STARD13: variants seen among roughly 807,000 people sequenced by gnomAD.
STARD13 encodes the protein StAR related lipid transfer domain containing 13, also known as stAR-related lipid transfer protein 13.
In STARD13, 62 loss-of-function variants were observed where a neutral mutation model predicts 106.4. The observed-to-expected ratio is 0.58, with a 90% CI of 0.48 to 0.72. STARD13 has a LOEUF of 0.72. Among genes scored for constraint, STARD13 ranks in the 30% least tolerant of loss-of-function variants. STARD13 has a pLI of 0.00. For missense variants in STARD13, 1,387 were observed against 1,424.0 expected (o/e 0.97, Z 0.42); for synonymous variants, 565 against 553.0 (o/e 1.02, Z -0.31).
chr13:33,292,834 C>G (rs1203462197), intron 1 of STARD13, among the ~76,000 whole-genome samples: 1 of 152,098 alleles, frequency 6.6e-6, no homozygotes. Flanking sequence ...TGTCTCAGAC[C>G]ATGTCAGCAC....
intron 4 of STARD13, among the ~76,000 whole-genome samples, chr13:33,139,936 GA>G (rs779562605): frequency 6.6e-6 from 1 of 152,110 alleles, no homozygotes; most frequent in East Asian, 1.9e-4. Context: ...TTATTTATTT[GA>G]AAATTCAGGC....
At chr13:33,178,350 A>T (rs1306148808) in intron 1 of STARD13, among the ~76,000 whole-genome samples, 1 of 152,212 alleles carries the variant, frequency 6.6e-6, no homozygotes, top group Admixed American at 6.5e-5. Flanking sequence ...CATGGGTTAA[A>T]AATAATAAAT....
In STARD13 at chr13:33,285,519, C is replaced by G; in HGVS notation, c.120G>C (p.Arg40Ser). 6.2e-7 allele frequency: 1 copy of G among 1,614,040 alleles called. No homozygotes were observed. The highest frequency in any genetic ancestry group is 8.5e-7 in the Non-Finnish European group (1 of 1,179,924). ...GATGGCGTGCTAGAATCCGGCTCATCCTGTAAGGAGAGCGTCTTGTAGTCT... is the reference window on the plus strand; with the variant it reads ...GATGGCGTGCTAGAATCCGGCTCATGCTGTAAGGAGAGCGTCTTGTAGTCT... ...FDQTTRRSPY[R>S]MSRILARHQL... is the part of the protein sequence containing the mutation. The change falls in exon 1 of 14, where the codon AGG (arginine) becomes AGC (serine). Residue 40 changes from arginine to serine, a missense_variant. Coordinates refer to ENST00000336934, the MANE Select transcript of STARD13 (RefSeq NM_178006.4).
chr13:33,516,344 G>C, the STARD13 span, among the ~76,000 whole-genome samples: 30 of 150,566 alleles, frequency 2.0e-4, no homozygotes, highest in Admixed American at 5.3e-4. Context: ...ATCAGTTTCA[G>C]CTTTTCTTAC....
At chr13:33,528,136 C>A in the STARD13 span, among the ~76,000 whole-genome samples, 1 of 146,728 alleles carries the variant, frequency 6.8e-6, no homozygotes, top group African/African-American at 2.5e-5. Context: ...GAAGTTTAAA[C>A]ACATATCAAA....
rs1449461695 is a variant in STARD13 at position 33,348,799 on chromosome 13, G to A, written c.*350C>T. Reference sequence around the variant, plus strand: ...GCTGGGTTACCACAATTTATTTCTGGGTCCAAACCAAAAAAGTCTGTTTAT... The same window carrying A: ...GCTGGGTTACCACAATTTATTTCTGAGTCCAAACCAAAAAAGTCTGTTTAT... On this transcript the variant is annotated 3_prime_UTR_variant, in exon 2 of 2. Transcript: ENST00000439831. 3 of 256,878 alleles carry A rather than the reference G, an allele frequency of 1.2e-5. No homozygotes were observed. The South Asian group carries it at 1.9e-4, about 16-fold the overall frequency. 15.9% of individuals were successfully genotyped at this position (256,878 alleles called of 1,614,324 possible). A position where few individuals can be genotyped will look rare whatever the true frequency, so the allele number is the denominator to read the frequency against.
At chr13:33,161,941 C>A (rs759515378) in intron 3 of STARD13, among the ~76,000 whole-genome samples, 28 of 152,078 alleles carry the variant, frequency 1.8e-4, no homozygotes, top group Non-Finnish European at 3.7e-4. Flanking sequence ...TTATACACTA[C>A]CACAAGAACA....
At chr13:33,502,257 T>C in the STARD13 span, among the ~76,000 whole-genome samples, 1 of 152,264 alleles carries the variant, frequency 6.6e-6, no homozygotes, top group African/African-American at 2.4e-5. Flanking sequence ...TTTGCTGAAG[T>C]TGCTTATCAG....
At chr13:33,531,902 CA>C in the STARD13 span, among the ~76,000 whole-genome samples, 1 of 152,124 alleles carries the variant, frequency 6.6e-6, no homozygotes, top group East Asian at 1.9e-4. Context: ...TCATATTATA[CA>C]CTTAATAGTC....
the STARD13 span, among the ~76,000 whole-genome samples, chr13:33,471,177 T>C: frequency 2.6e-5 from 4 of 152,212 alleles, no homozygotes; most frequent in Non-Finnish European, 5.9e-5. Flanking sequence ...AAGGAACTAC[T>C]GCTGGAATGA....
chr13:33,508,064 A>G, the STARD13 span, among the ~76,000 whole-genome samples: 8 of 152,164 alleles, frequency 5.3e-5, no homozygotes, highest in Non-Finnish European at 8.8e-5. Flanking sequence ...GTGTTTAGGT[A>G]TCTGCCTCCC....
At chr13:33,287,375 A>G (rs868470817), upstream of STARD13, among the ~76,000 whole-genome samples, 11 of 152,198 alleles carry the variant, frequency 7.2e-5, no homozygotes, top group South Asian at 1.5e-3. Context: ...ATTGCCTACT[A>G]CCTCACGTAG....
intron 1 of STARD13, among the ~76,000 whole-genome samples, chr13:33,340,353 C>T (rs1369245768): frequency 2.0e-5 from 3 of 152,010 alleles, no homozygotes; most frequent in South Asian, 2.1e-4. Flanking sequence ...AGGACAGGCA[C>T]GTGACACCAT....
chr13:33,410,727 T>G, the STARD13 span, among the ~76,000 whole-genome samples: 1 of 152,204 alleles, frequency 6.6e-6, no homozygotes, highest in Non-Finnish European at 1.5e-5. Context: ...TATGGCATAA[T>G]GAAATCACAA....
chr13:33,246,744 T>G (rs778812285), intron 1 of STARD13, among the ~76,000 whole-genome samples: 1 of 151,470 alleles, frequency 6.6e-6, no homozygotes, highest in Non-Finnish European at 1.5e-5. Flanking sequence ...GAGGAGAGAA[T>G]AAAACACTAT....
At chr13:33,482,645 T>G in the STARD13 span, among the ~76,000 whole-genome samples, 1 of 152,220 alleles carries the variant, frequency 6.6e-6, no homozygotes, top group Non-Finnish European at 1.5e-5. Context: ...ATGACATTTG[T>G]TGATAAATAA....
At chr13:33,317,871 A>G (rs993699536) in intron 1 of STARD13, among the ~76,000 whole-genome samples, 2 of 152,222 alleles carry the variant, frequency 1.3e-5, no homozygotes, top group Admixed American at 1.3e-4. Flanking sequence ...TGAATAAATG[A>G]ATGAATAAAT....
At chr13:33,350,485 C>G in exon 1 of STARD13, 3 of 1,483,582 alleles carry the variant, frequency 2.0e-6, no homozygotes, top group Non-Finnish European at 2.7e-6. Flanking sequence ...CTCAGACTCC[C>G]GGCGACTGGA....
At chr13:33,469,116 G>C in the STARD13 span, among the ~76,000 whole-genome samples, 1 of 152,102 alleles carries the variant, frequency 6.6e-6, no homozygotes, top group African/African-American at 2.4e-5. Flanking sequence ...TCAAGCACTG[G>C]ACTAAGCACT....
Sources: allele counts gnomAD v4.1 joint callset (sites outside exome capture counted in the v4.1 genomes callset), GRCh38; gene constraint gnomAD v4.1.1; transcripts MANE v1.5; gene names NCBI Gene and HGNC (gene_info 2026-07-23, HGNC 2026-07-21).